The following SMARCC1 variants were observed in gnomAD, a reference collection of about 807,000 sequenced individuals.
The protein encoded by SMARCC1 is SWI/SNF complex subunit SMARCC1.
SMARCC1 carries 43 observed loss-of-function variants against 147.4 expected under a neutral mutation model. That is an observed-to-expected ratio of 0.29 (90% CI 0.23 to 0.38). The LOEUF (loss-of-function observed/expected upper bound fraction) is 0.38, where lower values mean the gene tolerates loss of function less well. Among genes scored for constraint, SMARCC1 ranks in the 10% least tolerant of loss-of-function variants. SMARCC1 has a pLI of 1.00. For missense variants in SMARCC1, 1,119 were observed against 1,381.1 expected (o/e 0.81, Z 3.01); for synonymous variants, 495 against 484.4 (o/e 1.02, Z -0.29).
intron 21 of SMARCC1, among the ~76,000 whole-genome samples, chr3:47,644,144 C>G (rs1025622299): frequency 1.3e-5 from 2 of 152,164 alleles, no homozygotes; most frequent in African/African-American, 4.8e-5. Flanking sequence ...ATCACCACTG[C>G]ACTCCAGCCT....
intron 8 of SMARCC1, 43 bp downstream of exon 8, chr3:47,714,372 T>C: frequency 7.9e-7 from 1 of 1,263,916 alleles, no homozygotes; most frequent in Non-Finnish European, 1.2e-6. Flanking sequence ...CAAAAAAAAT[T>C]TTAAAAAGAT....
At chr3:47,621,298 C>CA (rs1183934374) in intron 25 of SMARCC1, among the ~76,000 whole-genome samples, 7,986 of 62,178 alleles carry the variant, frequency 0.13, 590 homozygotes, top group African/African-American at 0.28. Context: ...GACTCCGTCT[C>CA]AAAAAAAAAA....
chr3:47,628,018 G>C (rs558742353), intron 24 of SMARCC1, among the ~76,000 whole-genome samples: 2 of 151,680 alleles, frequency 1.3e-5, no homozygotes, highest in African/African-American at 4.8e-5. Context: ...CACTGTGCTG[G>C]GTCTAAACAT....
chr3:47,729,301 T>C (rs1006626348), intron 5 of SMARCC1, among the ~76,000 whole-genome samples: 2 of 152,240 alleles, frequency 1.3e-5, no homozygotes, highest in Non-Finnish European at 2.9e-5. Flanking sequence ...GACTGCTGTA[T>C]AGAAAAGTAA....
At chr3:47,775,548 C>T (rs1304577825) in intron 1 of SMARCC1, among the ~76,000 whole-genome samples, 7 of 149,364 alleles carry the variant, frequency 4.7e-5, no homozygotes, top group Non-Finnish European at 6.0e-5. Flanking sequence ...CCGAGGCGGG[C>T]GAATCACGAG....
chr3:47,629,261 G>T (rs2032854250), intron 24 of SMARCC1, among the ~76,000 whole-genome samples: 1 of 152,132 alleles, frequency 6.6e-6, no homozygotes, highest in South Asian at 2.1e-4. Context: ...GTTGTAAATA[G>T]GAACCACTCC....
intron 21 of SMARCC1, among the ~76,000 whole-genome samples, chr3:47,657,514 G>C (rs2033278966): frequency 6.6e-6 from 1 of 152,090 alleles, no homozygotes; most frequent in African/African-American, 2.4e-5. Context: ...ACAAAGTACA[G>C]GGGCTGGGCT....
chr3:47,748,035 G>A (rs2034586117), intron 2 of SMARCC1, among the ~76,000 whole-genome samples: 1 of 152,004 alleles, frequency 6.6e-6, no homozygotes, highest in Non-Finnish European at 1.5e-5. Flanking sequence ...GCGGGCGCAT[G>A]TAATCCCAGC....
chr3:47,745,516 C>T (rs537273473), intron 3 of SMARCC1, among the ~76,000 whole-genome samples: 3 of 152,164 alleles, frequency 2.0e-5, no homozygotes, highest in Admixed American at 2.0e-4. Flanking sequence ...AGTTTGAGAG[C>T]AGCCTGACCA....
chr3:47,777,900 T>C (rs1172823543), intron 1 of SMARCC1, among the ~76,000 whole-genome samples: 2 of 151,766 alleles, frequency 1.3e-5, no homozygotes, highest in Non-Finnish European at 2.9e-5. Context: ...TCCTACCAAA[T>C]TACCAAACAT....
At chr3:47,728,771 C>A (rs2034331901) in intron 6 of SMARCC1, among the ~76,000 whole-genome samples, 1 of 152,056 alleles carries the variant, frequency 6.6e-6, no homozygotes, top group Non-Finnish European at 1.5e-5. Flanking sequence ...TACAGCTGGG[C>A]ATGGTGGTGG....
At chr3:47,755,685 C>T (rs1269506488) in intron 2 of SMARCC1, among the ~76,000 whole-genome samples, 5 of 149,702 alleles carry the variant, frequency 3.3e-5, no homozygotes, top group Non-Finnish European at 5.9e-5. Context: ...GGTTAAACTC[C>T]GTCTCTACTA....
chr3:47,659,479 A>G (rs2033311101), intron 21 of SMARCC1, among the ~76,000 whole-genome samples: 1 of 151,960 alleles, frequency 6.6e-6, no homozygotes, highest in Non-Finnish European at 1.5e-5. Flanking sequence ...TACAAAGGCC[A>G]TGTCGGATTT....
chr3:47,748,688 T>A (rs1430814189), intron 2 of SMARCC1, among the ~76,000 whole-genome samples: 1 of 152,068 alleles, frequency 6.6e-6, no homozygotes, highest in African/African-American at 2.4e-5. Flanking sequence ...AAAAACAATA[T>A]AAACTGAGCA....
chr3:47,720,340 G>C (rs2034216146), intron 7 of SMARCC1, among the ~76,000 whole-genome samples: 1 of 151,520 alleles, frequency 6.6e-6, no homozygotes, highest in Non-Finnish European at 1.5e-5. Context: ...GACCAGGCTG[G>C]TCTTGAGCTC....
chr3:47,612,842 C>T (rs1210924381), intron 25 of SMARCC1, among the ~76,000 whole-genome samples: 1 of 152,196 alleles, frequency 6.6e-6, no homozygotes, highest in Admixed American at 6.5e-5. Context: ...CCAAACATGT[C>T]CTATGAGTTG....
chr3:47,732,398 T>C (rs1323952089), intron 5 of SMARCC1, among the ~76,000 whole-genome samples: 1 of 152,242 alleles, frequency 6.6e-6, no homozygotes, highest in Non-Finnish European at 1.5e-5. Context: ...GCATGTTCAC[T>C]ACAGTCCCAC....
chr3:47,679,528 T>C (rs924093639), intron 15 of SMARCC1, among the ~76,000 whole-genome samples: 7 of 152,196 alleles, frequency 4.6e-5, no homozygotes, highest in Non-Finnish European at 1.0e-4. Context: ...CCTGGATGAA[T>C]AGAAACAATC....
At chr3:47,593,704 T>C (rs1022165612) in intron 26 of SMARCC1, among the ~76,000 whole-genome samples, 3 of 152,124 alleles carry the variant, frequency 2.0e-5, no homozygotes, top group African/African-American at 7.2e-5. Flanking sequence ...ATAATTCAAA[T>C]ACAGACTCTC....
Sources: gnomAD v4.1 joint callset for allele counts (sites outside exome capture counted in the v4.1 genomes callset) on GRCh38, gnomAD v4.1.1 for gene constraint, MANE v1.5 for transcripts, NCBI Gene and HGNC (gene_info 2026-07-23, HGNC 2026-07-21) for gene names.